Variants in ERC2 observed in about 807,000 individuals in gnomAD.
ERC2 encodes ELKS/RAB6-interacting/CAST family member 2, also known as ERC protein 2.
ERC2 carries 42 observed loss-of-function variants against 114.8 expected under a neutral mutation model. The observed-to-expected ratio is 0.37, with a 90% CI of 0.29 to 0.47. ERC2 has a LOEUF of 0.47. Among genes scored for constraint, ERC2 ranks in the 20% least tolerant of loss-of-function variants. The pLI, the probability that ERC2 is intolerant of heterozygous loss-of-function variation, is 0.99. For synonymous variants in ERC2, 454 were observed against 425.5 expected, an observed-to-expected ratio of 1.07 and a Z score of -0.82; for missense variants, 939 against 1,150.7, an observed-to-expected ratio of 0.82 and a Z score of 2.66.
At chr3:56,285,007 T>C (rs1051028438) in intron 3 of ERC2, among the ~76,000 whole-genome samples, 1 of 108,830 alleles carries the variant, frequency 9.2e-6, no homozygotes, top group Admixed American at 1.2e-4. Context: ...TCTCTCTCTC[T>C]CTCTCACACA....
At chr3:56,315,731 C>G (rs551707074) in intron 2 of ERC2, among the ~76,000 whole-genome samples, 1 of 151,150 alleles carries the variant, frequency 6.6e-6, no homozygotes, top group African/African-American at 2.4e-5. Context: ...TTTTACAATT[C>G]ATTTGAGACT....
chr3:55,864,094 C>G (rs2062147402), intron 14 of ERC2, among the ~76,000 whole-genome samples: 1 of 109,344 alleles, frequency 9.1e-6, no homozygotes, highest in Non-Finnish European at 1.8e-5. Flanking sequence ...AAATCAGCAG[C>G]AGGTATATAT....
At chr3:56,032,913 A>AGAGAG (rs1560056241) in intron 7 of ERC2, among the ~76,000 whole-genome samples, 29 of 68,694 alleles carry the variant, frequency 4.2e-4, no homozygotes, top group African/African-American at 6.2e-4. Flanking sequence ...GAAAGAAAGA[A>AGAGAG]AGAAAGAAAG....
intron 3 of ERC2, among the ~76,000 whole-genome samples, chr3:56,266,613 T>A (rs1455219194): frequency 6.6e-6 from 1 of 152,022 alleles, no homozygotes; most frequent in African/African-American, 2.4e-5. Context: ...AAACAAGAGG[T>A]AGCCAGGTGA....
At chr3:56,102,350 A>C (rs192827767) in intron 6 of ERC2, among the ~76,000 whole-genome samples, 1 of 152,140 alleles carries the variant, frequency 6.6e-6, no homozygotes. Context: ...AGAAACCTAC[A>C]TTATTACATG....
At chr3:55,847,305 G>A (rs1004735185) in intron 14 of ERC2, among the ~76,000 whole-genome samples, 1 of 152,168 alleles carries the variant, frequency 6.6e-6, no homozygotes, top group Non-Finnish European at 1.5e-5. Context: ...TTTATTGAGA[G>A]GGAGGGGAGC....
chr3:56,402,324 G>A (rs2060549472), intron 2 of ERC2, among the ~76,000 whole-genome samples: 1 of 152,170 alleles, frequency 6.6e-6, no homozygotes, highest in African/African-American at 2.4e-5. Context: ...TAGGTCTTCA[G>A]GTCATTGCCA....
chr3:56,314,933 G>T (rs1301286192), intron 2 of ERC2, among the ~76,000 whole-genome samples: 2 of 152,194 alleles, frequency 1.3e-5, no homozygotes, highest in African/African-American at 4.8e-5. Context: ...TTTGGTCACT[G>T]CACTGCAGAG....
chr3:56,285,092 A>T (rs2054605196), intron 3 of ERC2, among the ~76,000 whole-genome samples: 1 of 136,086 alleles, frequency 7.3e-6, no homozygotes, highest in Non-Finnish European at 1.6e-5. Context: ...TTTAGGCTCA[A>T]GCTCCCCCCC....
chr3:55,933,027 G>C (rs530810144), intron 13 of ERC2, among the ~76,000 whole-genome samples: 3 of 152,158 alleles, frequency 2.0e-5, no homozygotes, highest in Non-Finnish European at 4.4e-5. Context: ...TAGCCAACAA[G>C]GTGAAACCTT....
At chr3:55,716,721 T>C (rs1207232268) in intron 15 of ERC2, among the ~76,000 whole-genome samples, 1 of 152,208 alleles carries the variant, frequency 6.6e-6, no homozygotes, top group African/African-American at 2.4e-5. Flanking sequence ...TCATGTGCCC[T>C]GAGCAAACAG....
At chr3:55,558,782 C>T (rs898532277) in intron 17 of ERC2, among the ~76,000 whole-genome samples, 2 of 152,174 alleles carry the variant, frequency 1.3e-5, no homozygotes, top group African/African-American at 4.8e-5. Context: ...GCCAAATTCT[C>T]CTCTGAGATC....
chr3:55,990,093 T>C (rs1446478590), intron 11 of ERC2, among the ~76,000 whole-genome samples: 1 of 152,190 alleles, frequency 6.6e-6, no homozygotes, highest in Non-Finnish European at 1.5e-5. Context: ...AAGAAAAATT[T>C]TGGTTCTAAA....
chr3:56,298,152 T>C (rs1351581869), intron 2 of ERC2, among the ~76,000 whole-genome samples: 2 of 152,200 alleles, frequency 1.3e-5, no homozygotes, highest in African/African-American at 4.8e-5. Flanking sequence ...CAGAGACACC[T>C]CATGCCCTTT....
chr3:56,387,092 A>C (rs2059959691), intron 2 of ERC2, among the ~76,000 whole-genome samples: 1 of 152,208 alleles, frequency 6.6e-6, no homozygotes, highest in Non-Finnish European at 1.5e-5. Flanking sequence ...AATAGCATCT[A>C]TGTGAAGTGC....
intron 7 of ERC2, among the ~76,000 whole-genome samples, chr3:56,050,092 G>A (rs1403177986): frequency 1.3e-5 from 2 of 152,148 alleles, no homozygotes; most frequent in Non-Finnish European, 2.9e-5. Context: ...GAATTCTAGA[G>A]GATGATGAAA....
At chr3:56,437,192 A>G (rs12053891) in intron 1 of ERC2, among the ~76,000 whole-genome samples, 9,200 of 152,318 alleles carry the variant, frequency 0.06, 536 homozygotes, top group East Asian at 0.31. Context: ...AGTAATTAGA[A>G]TATTCCCAAT....
At chr3:56,433,910 G>A in intron 2 of ERC2, 1 of 172,260 alleles carries the variant, frequency 5.8e-6, no homozygotes, top group East Asian at 1.5e-4. Context: ...AAATAATGGT[G>A]CTGGTGCTTC....
Position 55,986,629 on chromosome 3 carries a change from C to T in ERC2, c.2256-641G>A, listed in dbSNP as rs75698081. Among the ~76,000 whole-genome samples the T allele has an allele frequency of 2.0e-5, 3 of 152,214 alleles. No homozygotes were observed. In the East Asian group the frequency reaches 5.8e-4, roughly 29 times the overall value. On this transcript the variant is annotated intron_variant, in intron 11 of 17. Coordinates refer to ENST00000288221, the MANE Select transcript of ERC2 (RefSeq NM_015576.3). ...GCCACCCACCTATCAGCTTCCGCAG[C>T]AAGGACAGAGTAACTTTCCAAGCTG...
Sources: gnomAD v4.1 joint callset for allele counts (sites outside exome capture counted in the v4.1 genomes callset) on GRCh38, gnomAD v4.1.1 for gene constraint, MANE v1.5 for transcripts, NCBI Gene and HGNC (gene_info 2026-07-23, HGNC 2026-07-21) for gene names.